RNF2: variants seen among roughly 807,000 people sequenced by gnomAD.
The protein encoded by RNF2 is E3 ubiquitin-protein ligase RING2.
A neutral mutation model predicts 37.2 loss-of-function variants in RNF2; 6 were observed. That is an observed-to-expected ratio of 0.16 (90% confidence interval 0.09 to 0.32). The LOEUF (loss-of-function observed/expected upper bound fraction) is 0.32, where lower values mean the gene tolerates loss of function less well. Ranked by LOEUF, RNF2 falls within the 10% of genes least tolerant of loss-of-function variation. RNF2 has a pLI of 1.00. For synonymous variants in RNF2, 133 were observed against 132.7 expected (o/e 1.00, Z -0.02); for missense variants, 251 against 404.0 (o/e 0.62, Z 3.25).
chr1:185,093,348 T>C lies in RNF2; in HGVS notation c.464+72T>C, dbSNP rs141458589. The C allele has an allele frequency of 2.9e-3, 4,091 of 1,411,042 alleles. 13 individuals are homozygous for C. Among genetic ancestry groups the C allele is most frequent in the South Asian group, 4.3e-3 (348 of 81,264 alleles). 87.4% of individuals were successfully genotyped at this position (1,411,042 alleles called of 1,614,324 possible). ...TTTATTAACAATTAAATTTACTTTT[T>C]GAAAAAGGTAAAATACAGTAACAAA... On this transcript the variant is annotated intron_variant, in intron 4 of 6. Coordinates refer to ENST00000367510, the MANE Select transcript of RNF2 (RefSeq NM_007212.4).
chr1:185,097,934 C>A, intron 4 of RNF2, 138 bp from the exon 5 acceptor site: 2 of 856,008 alleles, frequency 2.3e-6, no homozygotes, highest in Admixed American at 2.8e-5. Flanking sequence ...ATGTGGGAAA[C>A]AATATCATCC....
In RNF2 at chr1:185,100,082, A is replaced by C. The variant is rs1490412764; in HGVS notation, c.910-118A>C. ...AAAAACCGTAACAGTGTTAAGTGAC[A>C]AGTAGTTATTCCTAAGATTTGAAAA... On this transcript the variant is annotated intron_variant, in intron 6 of 6. Transcript: ENST00000367510. 3 of 1,199,630 alleles carry C rather than the reference A, an allele frequency of 2.5e-6. No individual in the cohort carries two copies. In the East Asian group the frequency reaches 7.1e-5, roughly 29 times the overall value. 74.3% of individuals were successfully genotyped at this position (1,199,630 alleles called of 1,614,324 possible). A position where few individuals can be genotyped will look rare whatever the true frequency, so the allele number is the denominator to read the frequency against.
intron 1 of RNF2, among the ~76,000 whole-genome samples, chr1:185,076,308 T>TTTTTTTTTTTTTTTTTTTTTTTTTTTG: frequency 8.8e-6 from 1 of 113,244 alleles, no homozygotes; most frequent in Non-Finnish European, 1.7e-5. Context: ...TTTTTTTTTT[T>TTTTTTTTTTTTTTTTTTTTTTTTTTTG]GAGACAGAGT....
intron 1 of RNF2, 141 bp from the exon 2 acceptor site, chr1:185,087,411 A>G (rs1394895141): frequency 1.5e-6 from 1 of 657,140 alleles, no homozygotes; most frequent in Non-Finnish European, 2.7e-6. Context: ...TAACCTGATC[A>G]CCTCCCAAAG....
intron 1 of RNF2, among the ~76,000 whole-genome samples, chr1:185,047,872 C>T (rs969942818): frequency 2.6e-5 from 4 of 152,220 alleles, no homozygotes; most frequent in African/African-American, 4.8e-5. Context: ...ACATTGTCAT[C>T]AGACAATGGT....
At chr1:185,054,456 C>G (rs907676635) in intron 1 of RNF2, among the ~76,000 whole-genome samples, 2 of 152,180 alleles carry the variant, frequency 1.3e-5, no homozygotes, top group Non-Finnish European at 2.9e-5. Context: ...CCTTGCAATA[C>G]TGGCAAGCAG....
chr1:185,055,354 T>C (rs1219512038), intron 1 of RNF2, among the ~76,000 whole-genome samples: 1 of 152,194 alleles, frequency 6.6e-6, no homozygotes, highest in Non-Finnish European at 1.5e-5. Flanking sequence ...GATTTTCTTA[T>C]TGGGGTGATA....
chr1:185,070,801 C>T (rs892796987), intron 1 of RNF2, among the ~76,000 whole-genome samples: 1 of 151,896 alleles, frequency 6.6e-6, no homozygotes, highest in Admixed American at 6.6e-5. Context: ...ACCTCGCCGG[C>T]TCATTTTTTT....
Position 185,093,492 on chromosome 1 carries a change from A to G in RNF2, c.464+216A>G, listed in dbSNP as rs373783964. On this transcript the variant is annotated intron_variant, in intron 4 of 6. Coordinates refer to ENST00000367510, the MANE Select transcript of RNF2 (RefSeq NM_007212.4). ...ACTTACTTTTTTCTCAACTTATTCT[A>G]TTTCTTCTCTTTATAGCAAAATTCC... Among the ~76,000 whole-genome samples, 32 of 152,044 alleles carry G rather than the reference A, an allele frequency of 2.1e-4. No individual in the cohort carries two copies. The East Asian group carries it at 5.4e-3, about 26-fold the overall frequency.
intron 1 of RNF2, among the ~76,000 whole-genome samples, chr1:185,053,416 G>A (rs1650326808): frequency 6.6e-6 from 1 of 151,382 alleles, no homozygotes; most frequent in Non-Finnish European, 1.5e-5. Context: ...GCTCACTGCA[G>A]TCTCCAACTT....
chr1:185,057,548 T>C (rs57050104), intron 1 of RNF2, among the ~76,000 whole-genome samples: 8,144 of 152,258 alleles, frequency 0.053, 233 homozygotes, highest in Middle Eastern at 0.11. Flanking sequence ...TAAGTTTACC[T>C]TTCCAAGAAT....
intron 1 of RNF2, among the ~76,000 whole-genome samples, chr1:185,077,850 AT>A (rs1043952750): frequency 8.1e-5 from 12 of 148,704 alleles, no homozygotes; most frequent in Non-Finnish European, 1.3e-4. Flanking sequence ...TTGTTTTATT[AT>A]TTTAAAATTG....
At chr1:185,060,725 C>T (rs1650573287) in intron 1 of RNF2, among the ~76,000 whole-genome samples, 1 of 152,112 alleles carries the variant, frequency 6.6e-6, no homozygotes, top group African/African-American at 2.4e-5. Flanking sequence ...GTTGAAACAT[C>T]CTTGGAGAAG....
intron 1 of RNF2, among the ~76,000 whole-genome samples, chr1:185,083,910 C>CT (rs765301806): frequency 0.021 from 2,539 of 121,322 alleles, 43 homozygotes; most frequent in Non-Finnish European, 0.028. Flanking sequence ...CCTGGCCTAC[C>CT]TTTTTTTTTT....
At chr1:185,095,374 C>G (rs1651882832) in intron 4 of RNF2, among the ~76,000 whole-genome samples, 1 of 152,194 alleles carries the variant, frequency 6.6e-6, no homozygotes, top group African/African-American at 2.4e-5. Context: ...AGCCTTTGTA[C>G]TTACACTACT....
chr1:185,055,865 A>G (rs1650420414), intron 1 of RNF2, among the ~76,000 whole-genome samples: 1 of 151,490 alleles, frequency 6.6e-6, no homozygotes, highest in Admixed American at 6.6e-5. Context: ...TTTAGTTAGC[A>G]TATTTGTGAA....
chr1:185,091,900 C>G, intron 3 of RNF2, 161 bp downstream of exon 3: 1 of 579,238 alleles, frequency 1.7e-6, no homozygotes, highest in Non-Finnish European at 2.9e-6. Flanking sequence ...ACTGCAACCT[C>G]TGCCTCCTGG....
rs557191305 is a variant in RNF2 at position 185,055,909 on chromosome 1, CT to C, written c.-3+10268del. Among the ~76,000 whole-genome samples, 53 of 151,714 alleles carry C rather than the reference CT, an allele frequency of 3.5e-4. 1 individual carries two copies. The East Asian group carries it at 6.2e-3, about 18-fold the overall frequency. Reference sequence around the variant, plus strand: ...GGCTCTTTGAATTAGTGCAAAAGTGCTTTTTTTTAATGTAGATAGCTGTGGG... The same window carrying C: ...GGCTCTTTGAATTAGTGCAAAAGTGCTTTTTTTAATGTAGATAGCTGTGGG... On this transcript the variant is annotated intron_variant, in intron 1 of 6. Transcript: ENST00000367510.
rs1571332605 is a variant in RNF2 at position 185,101,881 on chromosome 1, C to T, written c.*1580C>T. ...TAATCTGTGCCATGAAATTTGAAAA[C>T]CACCAAAAATCAAGGGAACTTTTAT... On this transcript the variant is annotated 3_prime_UTR_variant, in exon 7 of 7. Transcript: ENST00000367510. The T allele has an allele frequency of 2.2e-5, 2 of 89,616 alleles. No individual in the cohort carries two copies. The highest frequency in any genetic ancestry group is 2.1e-5 in the Non-Finnish European group (1 of 48,104). The allele number at this position is 89,616 out of a possible 1,614,324, so 5.6% of individuals were successfully genotyped here. A position where few individuals can be genotyped will look rare whatever the true frequency, so the allele number is the denominator to read the frequency against.
Sources: allele counts gnomAD v4.1 joint callset (sites outside exome capture counted in the v4.1 genomes callset), GRCh38; gene constraint gnomAD v4.1.1; transcripts MANE v1.5; gene names NCBI Gene and HGNC (gene_info 2026-07-23, HGNC 2026-07-21).